ACIN1: variants seen among roughly 807,000 people sequenced by gnomAD.
The protein encoded by ACIN1 is apoptotic chromatin condensation inducer in the nucleus.
ACIN1 carries 16 observed loss-of-function variants against 146.6 expected under a neutral mutation model. The ratio of observed to expected loss-of-function variants is 0.11; its 90% CI spans 0.07 to 0.17. The LOEUF (loss-of-function observed/expected upper bound fraction) is 0.17, where lower values mean the gene tolerates loss of function less well. Among genes scored for constraint, ACIN1 ranks in the 10% least tolerant of loss-of-function variants. The pLI is 1.00. For missense variants in ACIN1, 1,357 were observed against 1,609.3 expected (o/e 0.84, Z 2.68); for synonymous variants, 569 against 582.7 (o/e 0.98, Z 0.34).
At chr14:23,071,052 T>G in intron 8 of ACIN1, 1 of 1,449,704 alleles carries the variant, frequency 6.9e-7, no homozygotes, top group Non-Finnish European at 9.4e-7. Flanking sequence ...ATGAAAGCCA[T>G]GAGGAAGAGA....
chr14:23,064,003 A>C, intron 12 of ACIN1, 102 bp downstream of exon 12: 1 of 1,502,280 alleles, frequency 6.7e-7, no homozygotes, highest in Non-Finnish European at 9.0e-7. Context: ...CTCTGCACAG[A>C]CAGGGAAGTT....
intron 4 of ACIN1, among the ~76,000 whole-genome samples, chr14:23,088,905 G>C (rs190709720): frequency 4.4e-4 from 67 of 152,196 alleles, no homozygotes; most frequent in African/African-American, 1.5e-3. Flanking sequence ...AAAAGTTTTG[G>C]GTCTTTGGAT....
intron 8 of ACIN1, among the ~76,000 whole-genome samples, chr14:23,073,642 G>C (rs967882768): frequency 1.3e-5 from 2 of 151,964 alleles, no homozygotes; most frequent in South Asian, 4.2e-4. Flanking sequence ...TGGGCAACAA[G>C]AGCAAAACTC....
chr14:23,086,904 A>G (rs973327623), intron 4 of ACIN1, among the ~76,000 whole-genome samples: 1 of 152,342 alleles, frequency 6.6e-6, no homozygotes, highest in East Asian at 1.9e-4. Flanking sequence ...CATTCATAAA[A>G]TGAATTGGTC....
At position 23,062,189 on chromosome 14, in the gene ACIN1, A is replaced by T. The variant is rs985095866; in HGVS notation, c.3078T>A (p.Ala1026=). 2.5e-6 allele frequency: 4 copies of T among 1,613,836 alleles called. No individual in the cohort carries two copies. The highest frequency in any genetic ancestry group is 3.4e-6 in the Non-Finnish European group (4 of 1,179,982). Residue 1026 remains alanine (A), a synonymous_variant, in exon 16 of 19, where the codon GCT becomes GCA. Coordinates refer to ENST00000605057, the MANE Select transcript of ACIN1 (RefSeq NM_001386863.1). ...TTACCTCATCTTGCTCGGCATAGTC[A>T]GCACAAAGGAATTTGGGATTGGACT... The part of the protein sequence containing the change: ...WPQSNPKFLC[A]DYAEQDELDY...
At position 23,079,698 on chromosome 14, in the gene ACIN1, T is replaced by C. The variant is rs867455753; in HGVS notation, c.1637A>G (p.His546Arg). 6.2e-7 allele frequency: 1 copy of C among 1,614,066 alleles called. No homozygotes were observed. The highest frequency in any genetic ancestry group is 8.5e-7 in the Non-Finnish European group (1 of 1,180,014). The change falls in exon 6 of 19, where the codon CAT (histidine) becomes CGT (arginine). Residue 546 changes from histidine to arginine, a missense_variant. Physicochemically the swap from His to Arg is conservative, Grantham distance 29 (BLOSUM62 0). Transcript: ENST00000605057. ...TCTCTGCTTGGATCTGAGCGGTGAA[T>C]GAGACCGAGAACCTGAACTGTCAGG... ...RSPDSSGSRSHSPLRSKQRDV... is the reference protein window; with the variant it reads ...RSPDSSGSRSRSPLRSKQRDV...
At position 23,063,591 on chromosome 14, in the gene ACIN1, A is replaced by C. The variant is rs763126166; in HGVS notation, c.2596-14T>G. The C allele has an allele frequency of 3.1e-6, 5 of 1,614,044 alleles. No individual in the cohort carries two copies. The highest frequency in any genetic ancestry group is 4.2e-6 in the Non-Finnish European group (5 of 1,179,958). On this transcript the variant is annotated splice_polypyrimidine_tract_variant and intron_variant, in intron 12 of 18. Transcript: ENST00000605057. Reference sequence around the variant, plus strand: ...TGCAGGTACTACCTATCAAGGTGTCAGAGAACACAGCAGGTCTGTTAAACA... The same window carrying C: ...TGCAGGTACTACCTATCAAGGTGTCCGAGAACACAGCAGGTCTGTTAAACA...
intron 16 of ACIN1, 74 bp from the exon 17 acceptor site, chr14:23,061,696 G>A (rs1022811885): frequency 3.9e-5 from 54 of 1,376,176 alleles, no homozygotes; most frequent in Admixed American, 5.2e-5. Context: ...CAGGATGGCC[G>A]GGCGCGGTGG....
intron 4 of ACIN1, among the ~76,000 whole-genome samples, chr14:23,089,072 G>A (rs780451842): frequency 6.6e-5 from 10 of 152,092 alleles, no homozygotes; most frequent in Non-Finnish European, 1.2e-4. Flanking sequence ...ACACAGTCTC[G>A]CTCTATTGTC....
chr14:23,089,561 T>G (rs903322259), intron 4 of ACIN1, among the ~76,000 whole-genome samples: 1 of 152,206 alleles, frequency 6.6e-6, no homozygotes, highest in Non-Finnish European at 1.5e-5. Context: ...CTTTACTATA[T>G]TCCTCGTGCC....
chr14:23,090,465 T>C, intron 3 of ACIN1, 57 bp downstream of exon 3: 1 of 1,466,534 alleles, frequency 6.8e-7, no homozygotes, highest in Non-Finnish European at 9.5e-7. Flanking sequence ...GCCTATCTAC[T>C]TGGTGACAGG....
chr14:23,060,508 C>G (rs1594737159), intron 18 of ACIN1, among the ~76,000 whole-genome samples: 1 of 143,464 alleles, frequency 7.0e-6, no homozygotes, highest in South Asian at 2.2e-4. Context: ...CAATCAAGTT[C>G]TTTTTTTTTT....
In ACIN1 at chr14:23,080,765, C is replaced by T. The variant is rs772458897; in HGVS notation, c.570G>A (p.Glu190=). 22 of 1,612,536 alleles carry T rather than the reference C, an allele frequency of 1.4e-5. No homozygotes were observed. The African/African-American group carries it at 2.3e-4, about 17-fold the overall frequency. Residue 190 remains glutamate (E), a synonymous_variant, in exon 6 of 19, where the codon GAG becomes GAA. Coordinates refer to ENST00000605057, the MANE Select transcript of ACIN1 (RefSeq NM_001386863.1). ...TGGAAGGTGTTTCTTGATCCTCTTC[C>T]TCCTCAGCAGGTTGGCTGCCCTCAG... ...KLSEGSQPAE[E]EEDQETPSRN...
At position 23,071,540 on chromosome 14, in the gene ACIN1, C is replaced by T. The variant is rs1472293078; in HGVS notation, c.2124-1923G>A. 3 of 1,550,920 alleles carry T rather than the reference C, an allele frequency of 1.9e-6. No homozygotes were observed. The African/African-American group carries it at 4.1e-5, about 21-fold the overall frequency. ...CGGAGCGGCAGCGATCAGCCGGAGA[C>T]ATGCAGGGGAGCCATCTTGCCACTT... On this transcript the variant is annotated intron_variant, in intron 8 of 18. Coordinates refer to ENST00000605057, the MANE Select transcript of ACIN1 (RefSeq NM_001386863.1).
At chr14:23,074,884 A>G (rs2047758709) in intron 8 of ACIN1, among the ~76,000 whole-genome samples, 1 of 152,256 alleles carries the variant, frequency 6.6e-6, no homozygotes, top group South Asian at 2.1e-4. Context: ...TAGTTATTAT[A>G]GAAAATTCAC....
At chr14:23,066,705 T>C (rs1212531509) in intron 9 of ACIN1, among the ~76,000 whole-genome samples, 11 of 152,196 alleles carry the variant, frequency 7.2e-5, no homozygotes, top group Non-Finnish European at 1.5e-4. Context: ...GAAGGGCAGA[T>C]TGTCCCCAAG....
intron 8 of ACIN1, chr14:23,071,409 T>TA (rs747613106): frequency 1.0e-5 from 16 of 1,551,274 alleles, no homozygotes; most frequent in Admixed American, 5.9e-5. Context: ...TTTTAAGAGA[T>TA]AAGCGTTAAG....
Position 23,058,874 on chromosome 14 carries a change from C to G in ACIN1, c.*274G>C. ...GAGGACTGGGGCACCTGGCTGTTCCCCATCTCTGGCCAACCACCTCCTTGC... is the reference window on the plus strand; with the variant it reads ...GAGGACTGGGGCACCTGGCTGTTCCGCATCTCTGGCCAACCACCTCCTTGC... On this transcript the variant is annotated 3_prime_UTR_variant, in exon 19 of 19. Transcript: ENST00000605057. The G allele has an allele frequency of 2.0e-6, 1 of 499,808 alleles. No individual in the cohort carries two copies. Among genetic ancestry groups the G allele is most frequent in the Non-Finnish European group, 3.6e-6 (1 of 279,518 alleles). 31.0% of individuals were successfully genotyped at this position (499,808 alleles called of 1,614,324 possible).
chr14:23,095,234 C>G (rs763787344), upstream of ACIN1: 22 of 1,611,826 alleles, frequency 1.4e-5, no homozygotes, highest in Middle Eastern at 3.3e-4. Context: ...TCGATTACCA[C>G]TCAGAACTCC....
Sources: gnomAD v4.1 joint callset for allele counts (sites outside exome capture counted in the v4.1 genomes callset) on GRCh38, gnomAD v4.1.1 for gene constraint, MANE v1.5 for transcripts, NCBI Gene and HGNC (gene_info 2026-07-23, HGNC 2026-07-21) for gene names.